The following SLC35F2 variants were observed in gnomAD, a reference collection of about 807,000 sequenced individuals.
SLC35F2 encodes queuine/queuosine transporter SLC35F2.
Under a neutral mutation model 38.1 loss-of-function variants are expected in SLC35F2, and 25 were observed. The observed-to-expected ratio is 0.66, with a 90% CI of 0.48 to 0.92. SLC35F2 has a LOEUF of 0.92. Ranked by LOEUF, SLC35F2 falls within the 40% of genes least tolerant of loss-of-function variation. SLC35F2 has a pLI of 0.00. For missense variants in SLC35F2, 409 were observed against 452.9 expected (o/e 0.90, Z 0.88); for synonymous variants, 173 against 181.7 (o/e 0.95, Z 0.38).
chr11:107,795,980 A>G (rs1298092342), intron 7 of SLC35F2, among the ~76,000 whole-genome samples: 1 of 152,082 alleles, frequency 6.6e-6, no homozygotes, highest in Non-Finnish European at 1.5e-5. Flanking sequence ...CTAAAAATAC[A>G]AAAACTAGCT....
At chr11:107,846,203 G>C (rs188109951) in intron 1 of SLC35F2, among the ~76,000 whole-genome samples, 2 of 135,734 alleles carry the variant, frequency 1.5e-5, no homozygotes, top group Non-Finnish European at 3.3e-5. Flanking sequence ...CCAGAGATAT[G>C]ATTGGTAACA....
intron 2 of SLC35F2, among the ~76,000 whole-genome samples, chr11:107,813,722 G>T (rs1192118557): frequency 6.6e-6 from 1 of 152,026 alleles, no homozygotes; most frequent in African/African-American, 2.4e-5. Context: ...CTTGACAGCA[G>T]TGGTGTGATC....
intron 1 of SLC35F2, among the ~76,000 whole-genome samples, chr11:107,825,560 C>T (rs1047305670): frequency 6.6e-6 from 1 of 151,748 alleles, no homozygotes. Context: ...TTAGTAGAGA[C>T]GGGTTTCACC....
intron 1 of SLC35F2, among the ~76,000 whole-genome samples, chr11:107,854,307 G>A (rs1250297021): frequency 3.3e-5 from 5 of 150,888 alleles, no homozygotes; most frequent in Non-Finnish European, 7.4e-5. Context: ...GGCAGTGCAT[G>A]CCATAGTCCC....
At chr11:107,818,072 A>AAAAAGAAAGAAAG (rs1555084051) in intron 1 of SLC35F2, among the ~76,000 whole-genome samples, 15 of 68,440 alleles carry the variant, frequency 2.2e-4, no homozygotes, top group Non-Finnish European at 3.4e-4. Context: ...AAAAAAAAAA[A>AAAAAGAAAGAAAG]AAAGAAAGAA....
Position 107,805,451 on chromosome 11 carries a change from A to G in SLC35F2, c.639T>C (p.Asn213=), listed in dbSNP as rs760046131. ...LLGASLYAIS[N]VCEEYIVKKL... ...TCTTCACGATGTATTCCTCACAAAC[A>G]TTTGAAATGGCATAGAGGGAAGCCC... Residue 213 remains asparagine, a synonymous_variant, in exon 5 of 8, where the codon AAT becomes AAC. Coordinates refer to ENST00000525815, the MANE Select transcript of SLC35F2 (RefSeq NM_017515.5). The G allele has an allele frequency of 2.4e-5, 39 of 1,614,016 alleles. No homozygotes were observed. The highest frequency in any genetic ancestry group is 1.7e-6 in the Non-Finnish European group (2 of 1,180,026).
At chr11:107,802,537 C>T (rs1331263940) in intron 7 of SLC35F2, among the ~76,000 whole-genome samples, 1 of 152,178 alleles carries the variant, frequency 6.6e-6, no homozygotes, top group African/African-American at 2.4e-5. Flanking sequence ...AAATTACTAT[C>T]AAAGACAGAA....
At chr11:107,817,436 G>T (rs1163263318) in intron 1 of SLC35F2, among the ~76,000 whole-genome samples, 1 of 152,262 alleles carries the variant, frequency 6.6e-6, no homozygotes, top group East Asian at 1.9e-4. Context: ...TTTCAAAGAG[G>T]AAACTTTTTC....
At chr11:107,825,380 T>TC in intron 1 of SLC35F2, among the ~76,000 whole-genome samples, 1 of 129,204 alleles carries the variant, frequency 7.7e-6, no homozygotes, top group East Asian at 2.0e-4. Flanking sequence ...TTTTTTTTTC[T>TC]TTTTTTTTTG....
intron 1 of SLC35F2, among the ~76,000 whole-genome samples, chr11:107,838,788 C>A (rs893340542): frequency 1.3e-5 from 2 of 151,694 alleles, no homozygotes; most frequent in African/African-American, 4.8e-5. Context: ...ACCTCCATGC[C>A]TGGCTTATTT....
intron 1 of SLC35F2, among the ~76,000 whole-genome samples, chr11:107,831,992 C>T (rs1394713572): frequency 6.6e-6 from 1 of 152,124 alleles, no homozygotes; most frequent in African/African-American, 2.4e-5. Context: ...CATTATAACA[C>T]CAGTTATAGT....
At chr11:107,854,989 G>T (rs1860254203) in intron 1 of SLC35F2, among the ~76,000 whole-genome samples, 1 of 152,172 alleles carries the variant, frequency 6.6e-6, no homozygotes, top group African/African-American at 2.4e-5. Flanking sequence ...TCAAACTTGG[G>T]ACATGAGTTT....
intron 1 of SLC35F2, among the ~76,000 whole-genome samples, chr11:107,819,913 T>C (rs1859641972): frequency 6.6e-6 from 1 of 152,142 alleles, no homozygotes. Flanking sequence ...ATTGTCATAC[T>C]GTCCGTAAAA....
intron 1 of SLC35F2, chr11:107,858,430 C>G: frequency 2.6e-6 from 1 of 390,852 alleles, no homozygotes; most frequent in Non-Finnish European, 4.5e-6. Flanking sequence ...AAATACATCG[C>G]CACGATTTCG....
chr11:107,827,885 T>C (rs1475636129), intron 1 of SLC35F2, among the ~76,000 whole-genome samples: 1 of 152,168 alleles, frequency 6.6e-6, no homozygotes, highest in Non-Finnish European at 1.5e-5. Context: ...CACTCCAGCC[T>C]GGGCGATAGA....
At chr11:107,821,709 T>C in intron 1 of SLC35F2, 1 of 777,918 alleles carries the variant, frequency 1.3e-6, no homozygotes, top group African/African-American at 1.9e-5. Context: ...ATATATCCTG[T>C]CCCGGTTTTA....
chr11:107,845,599 G>C (rs1238231106), intron 1 of SLC35F2, among the ~76,000 whole-genome samples: 1 of 152,058 alleles, frequency 6.6e-6, no homozygotes, highest in African/African-American at 2.4e-5. Flanking sequence ...ATCTCTCTGT[G>C]TATCATTAAC....
chr11:107,842,314 G>A (rs902890691), intron 1 of SLC35F2, among the ~76,000 whole-genome samples: 15 of 138,240 alleles, frequency 1.1e-4, no homozygotes, highest in African/African-American at 4.0e-4. Flanking sequence ...TTGTTTTACA[G>A]GATTTCTCAT....
At chr11:107,838,009 G>T (rs764897459) in intron 1 of SLC35F2, among the ~76,000 whole-genome samples, 1 of 150,920 alleles carries the variant, frequency 6.6e-6, no homozygotes, top group Non-Finnish European at 1.5e-5. Context: ...TATACCAAGC[G>T]CTAATTGATT....
Sources: allele counts gnomAD v4.1 joint callset (sites outside exome capture counted in the v4.1 genomes callset), GRCh38; gene constraint gnomAD v4.1.1; transcripts MANE v1.5; gene names NCBI Gene and HGNC (gene_info 2026-07-23, HGNC 2026-07-21).